Variants in TMEM135 observed in about 807,000 individuals in gnomAD.
TMEM135 encodes peroxisomal membrane protein 52.
In TMEM135, 30 loss-of-function variants were observed where a neutral mutation model predicts 60.3. The observed-to-expected ratio is 0.50, with a 90% CI of 0.37 to 0.68. The LOEUF (loss-of-function observed/expected upper bound fraction) is 0.68, where lower values mean the gene tolerates loss of function less well. TMEM135 is among the 30% of genes least tolerant of loss of function. TMEM135 has a pLI of 0.00. For missense variants in TMEM135, 468 were observed against 548.8 expected (o/e 0.85, Z 1.47); for synonymous variants, 190 against 186.7 (o/e 1.02, Z -0.14).
chr11:87,065,495 C>G (rs539229235), intron 1 of TMEM135, among the ~76,000 whole-genome samples: 1 of 152,124 alleles, frequency 6.6e-6, no homozygotes, highest in African/African-American at 2.4e-5. Context: ...CATATATTTT[C>G]CTATTTTCTA....
intron 9 of TMEM135, among the ~76,000 whole-genome samples, chr11:87,306,442 A>G (rs1031779106): frequency 6.6e-6 from 1 of 152,100 alleles, no homozygotes; most frequent in Non-Finnish European, 1.5e-5. Flanking sequence ...TTACAATGGC[A>G]TTTAATTTTG....
At chr11:87,057,876 A>G (rs1949908704) in intron 1 of TMEM135, among the ~76,000 whole-genome samples, 2 of 152,200 alleles carry the variant, frequency 1.3e-5, no homozygotes, top group South Asian at 4.1e-4. Flanking sequence ...ATAAATGCCA[A>G]GATCTGCAGT....
chr11:87,129,505 AG>A (rs1937846575), intron 4 of TMEM135, among the ~76,000 whole-genome samples: 1 of 148,430 alleles, frequency 6.7e-6, no homozygotes, highest in African/African-American at 2.5e-5. Flanking sequence ...GGCCTCCCAA[AG>A]TGCTGGGATT....
At chr11:87,065,633 C>T (rs754201371) in intron 1 of TMEM135, among the ~76,000 whole-genome samples, 1 of 151,986 alleles carries the variant, frequency 6.6e-6, no homozygotes, top group Non-Finnish European at 1.5e-5. Context: ...TTAAATTTCC[C>T]AACAGGTCTT....
chr11:87,114,772 A>C (rs1438946642), intron 4 of TMEM135, among the ~76,000 whole-genome samples: 5 of 152,220 alleles, frequency 3.3e-5, no homozygotes, highest in African/African-American at 1.2e-4. Context: ...AAAAGAACAC[A>C]GTATTGGCAC....
chr11:87,080,491 C>T (rs375324226), intron 3 of TMEM135, among the ~76,000 whole-genome samples: 9 of 152,214 alleles, frequency 5.9e-5, no homozygotes, highest in Non-Finnish European at 7.4e-5. Flanking sequence ...AGTGTAAAAT[C>T]TTCAACTGTG....
chr11:87,217,457 T>C (rs1245633549), intron 5 of TMEM135, among the ~76,000 whole-genome samples: 4 of 152,164 alleles, frequency 2.6e-5, no homozygotes, highest in African/African-American at 9.6e-5. Flanking sequence ...TAATGAGAAC[T>C]GACCAAAAAT....
intron 12 of TMEM135, among the ~76,000 whole-genome samples, chr11:87,315,167 CTCT>C (rs1355869439): frequency 6.6e-6 from 1 of 151,732 alleles, no homozygotes; most frequent in African/African-American, 2.4e-5. Flanking sequence ...CCTCCTCCTC[CTCT>C]TCCTTCTCCT....
intron 5 of TMEM135, among the ~76,000 whole-genome samples, chr11:87,207,610 A>G (rs1940264524): frequency 6.6e-6 from 1 of 152,196 alleles, no homozygotes; most frequent in African/African-American, 2.4e-5. Flanking sequence ...TTCATTTACT[A>G]TTTCATTAAG....
chr11:87,299,659 G>C (rs1942409982), intron 7 of TMEM135, among the ~76,000 whole-genome samples: 1 of 152,238 alleles, frequency 6.6e-6, no homozygotes, highest in Admixed American at 6.5e-5. Flanking sequence ...GAATGAGCCA[G>C]ATATAGTCTC....
At chr11:87,120,373 T>C (rs970327621) in intron 4 of TMEM135, among the ~76,000 whole-genome samples, 1 of 151,870 alleles carries the variant, frequency 6.6e-6, no homozygotes, top group Non-Finnish European at 1.5e-5. Flanking sequence ...CTCAAAACTC[T>C]GGGATTTAAC....
chr11:87,070,637 A>AAACAAC (rs143313442), intron 2 of TMEM135, among the ~76,000 whole-genome samples: 257 of 151,410 alleles, frequency 1.7e-3, no homozygotes, highest in African/African-American at 5.6e-3. Context: ...CTCCATCTAA[A>AAACAAC]AACAACAACA....
chr11:87,123,711 A>G (rs747612054), intron 4 of TMEM135, among the ~76,000 whole-genome samples: 1 of 152,202 alleles, frequency 6.6e-6, no homozygotes, highest in African/African-American at 2.4e-5. Context: ...TGCTCTAGCC[A>G]GAGTTGCCTT....
At chr11:87,245,389 C>T (rs1233135141) in intron 6 of TMEM135, among the ~76,000 whole-genome samples, 1 of 91,352 alleles carries the variant, frequency 1.1e-5, no homozygotes, top group Non-Finnish European at 2.5e-5. Context: ...GAGCTGAGTT[C>T]AATTGCTAGG....
chr11:87,109,361 A>C (rs559085875), intron 4 of TMEM135, among the ~76,000 whole-genome samples: 2 of 152,316 alleles, frequency 1.3e-5, no homozygotes, highest in African/African-American at 4.8e-5. Context: ...GCACAGTAAA[A>C]GATTAACAAC....
Position 87,323,252 on chromosome 11 carries a change from A to AT in TMEM135, c.*1923dup, listed in dbSNP as rs759355054. The AT allele has an allele frequency of 1.9e-4, 84 of 453,618 alleles. No individual in the cohort carries two copies. The highest frequency in any genetic ancestry group is 3.4e-4 in the Non-Finnish European group (77 of 226,550). 28.1% of individuals were successfully genotyped at this position (453,618 alleles called of 1,614,324 possible). On this transcript the variant is annotated 3_prime_UTR_variant, in exon 15 of 15. Transcript: ENST00000305494. ...TTATAAATTGCAGTCATTTTTTTAA[A>AT]TTTTATGTAAAATGTAAAATGAAAT...
intron 5 of TMEM135, among the ~76,000 whole-genome samples, chr11:87,163,012 GTCT>G (rs1484903199): frequency 2.9e-5 from 4 of 137,200 alleles, no homozygotes; most frequent in Non-Finnish European, 6.2e-5. Flanking sequence ...CCTTATAAAT[GTCT>G]TCTTTTTTTT....
At chr11:87,281,427 G>C (rs538206478) in intron 6 of TMEM135, among the ~76,000 whole-genome samples, 39 of 152,214 alleles carry the variant, frequency 2.6e-4, no homozygotes, top group Middle Eastern at 6.8e-3. Flanking sequence ...AATACTAATT[G>C]ATGTGTTGTA....
In TMEM135 at chr11:87,210,296, A is replaced by T. The variant is rs184687934; in HGVS notation, c.463-26342A>T. Among the ~76,000 whole-genome samples, 721 of 152,274 alleles carry T rather than the reference A, an allele frequency of 4.7e-3. 3 individuals carry two copies. The highest frequency in any genetic ancestry group is 7.1e-3 in the Non-Finnish European group (486 of 68,004). ...AGATTAATAAAGAAACAAAAAGAAG[A>T]TCCAAATAAACACAATCCGAAGTGA... On this transcript the variant is annotated intron_variant, in intron 5 of 14. Coordinates refer to ENST00000305494, the MANE Select transcript of TMEM135 (RefSeq NM_022918.4).
Sources: allele counts gnomAD v4.1 joint callset (sites outside exome capture counted in the v4.1 genomes callset), GRCh38; gene constraint gnomAD v4.1.1; transcripts MANE v1.5; gene names NCBI Gene and HGNC (gene_info 2026-07-23, HGNC 2026-07-21).